Variants in GALNT18 observed in about 807,000 individuals in gnomAD.
GALNT18 encodes the protein GalNAc-transferase 18.
A neutral mutation model predicts 69.5 loss-of-function variants in GALNT18; 44 were observed. The ratio of observed to expected loss-of-function variants is 0.63; its 90% CI spans 0.50 to 0.81. The LOEUF is 0.81. Among genes scored for constraint, GALNT18 ranks in the 40% least tolerant of loss-of-function variants. The pLI is 0.00. For missense variants in GALNT18, 715 were observed against 810.0 expected, an observed-to-expected ratio of 0.88 and a Z score of 1.42; for synonymous variants, 364 against 318.2, an observed-to-expected ratio of 1.14 and a Z score of -1.53.
Position 11,582,687 on chromosome 11 carries a change from G to A in GALNT18, c.235+38672C>T, listed in dbSNP as rs146526914. Among the ~76,000 whole-genome samples, 654 of 152,338 alleles carry A rather than the reference G, an allele frequency of 4.3e-3. 1 individual carries two copies. The highest frequency in any genetic ancestry group is 7.7e-3 in the Non-Finnish European group (523 of 68,038). ...ATTGAGGGCTAAAAGCCTTTGTGATGTTGCTCCAGCATAACCCAGTGGAAA... is the reference window on the plus strand; with the variant it reads ...ATTGAGGGCTAAAAGCCTTTGTGATATTGCTCCAGCATAACCCAGTGGAAA... On this transcript the variant is annotated intron_variant, in intron 1 of 10. Transcript: ENST00000227756. The surrounding 1 kb of genome is among the most constrained non-coding windows in gnomAD (Gnocchi z 5.0).
rs1233563004 is a variant in GALNT18 at position 11,546,027 on chromosome 11, GAACATTGGCA to G, written c.235+75322_235+75331del. Among the ~76,000 whole-genome samples the G allele has an allele frequency of 1.3e-5, 2 of 152,128 alleles. No homozygotes were observed. The highest frequency in any genetic ancestry group is 4.8e-5 in the African/African-American group (2 of 41,432). ...CACCCTGGGGAGGTTCCCAGCTTTA[GAACATTGGCA>G]AACAAGCAGGATTAGGCCCCTCTTC... On this transcript the variant is annotated intron_variant, in intron 1 of 10. Coordinates refer to ENST00000227756, the MANE Select transcript of GALNT18 (RefSeq NM_198516.3). The surrounding 1 kb of genome is among the most constrained non-coding windows in gnomAD (Gnocchi z 5.8).
intron 1 of GALNT18, among the ~76,000 whole-genome samples, chr11:11,580,706 T>C (rs983251468): frequency 6.6e-6 from 1 of 152,222 alleles, no homozygotes; most frequent in African/African-American, 2.4e-5. Flanking sequence ...CCAGTGACCA[T>C]TGGCCCTGCC....
Position 11,382,277 on chromosome 11 carries a change from T to C in GALNT18, c.596-3013A>G, listed in dbSNP as rs1430830730. Among the ~76,000 whole-genome samples, 1 of 152,232 alleles carries C rather than the reference T, an allele frequency of 6.6e-6. No homozygotes were observed. The highest frequency in any genetic ancestry group is 1.9e-4 in the East Asian group (1 of 5,206). On this transcript the variant is annotated intron_variant, in intron 3 of 10. Coordinates refer to ENST00000227756, the MANE Select transcript of GALNT18 (RefSeq NM_198516.3). This position sits in a 1 kb window ranked among gnomAD's most constrained non-coding sequence, Gnocchi z 4.3. ...ACAAAATGCCTTGAAGTACCCTAGATGATACTGGCTCTGTCTTTGCAAAGT... is the reference window on the plus strand; with the variant it reads ...ACAAAATGCCTTGAAGTACCCTAGACGATACTGGCTCTGTCTTTGCAAAGT...
At chr11:11,609,959 TGGA>T (rs1157089622) in intron 1 of GALNT18, among the ~76,000 whole-genome samples, 16 of 151,812 alleles carry the variant, frequency 1.1e-4, no homozygotes, top group Non-Finnish European at 1.9e-4. Context: ...CCTGAGTGAG[TGGA>T]GGAGATGATC....
intron 1 of GALNT18, among the ~76,000 whole-genome samples, chr11:11,452,521 T>C (rs55890253): frequency 0.073 from 11,105 of 152,290 alleles, 551 homozygotes; most frequent in South Asian, 0.17. Context: ...CTCTAGAAGA[T>C]GCTGACGCCT....
intron 3 of GALNT18, among the ~76,000 whole-genome samples, chr11:11,429,421 T>C (rs1480053186): frequency 1.3e-5 from 2 of 152,242 alleles, no homozygotes; most frequent in Non-Finnish European, 2.9e-5. Flanking sequence ...ATGGCTTTAA[T>C]TACTCCACGC....
intron 3 of GALNT18, among the ~76,000 whole-genome samples, chr11:11,399,534 G>T (rs781020081): frequency 2.6e-5 from 4 of 152,092 alleles, no homozygotes; most frequent in Non-Finnish European, 5.9e-5. Context: ...TGCAGGTCAG[G>T]AACACATGTA....
intron 9 of GALNT18, among the ~76,000 whole-genome samples, chr11:11,301,937 T>C (rs1272851860): frequency 6.6e-6 from 1 of 151,910 alleles, no homozygotes; most frequent in Non-Finnish European, 1.5e-5. Flanking sequence ...AGAGCTGGAG[T>C]AACAGTCTCT....
intron 1 of GALNT18, among the ~76,000 whole-genome samples, chr11:11,599,048 GA>G (rs1045085166): frequency 2.0e-5 from 3 of 151,644 alleles, no homozygotes; most frequent in Admixed American, 2.0e-4. Flanking sequence ...ATATATGCTT[GA>G]AAAAAATGTG....
rs140825327 is a variant in GALNT18, at chr11:11,434,230, G to T, written c.429-1443C>A. Among the ~76,000 whole-genome samples, 5 of 152,090 alleles carry T rather than the reference G, an allele frequency of 3.3e-5. No homozygotes were observed. The East Asian group carries it at 7.7e-4, about 23-fold the overall frequency. ...CTATTTCCAGCTCTCCTTCTCTCTC[G>T]CCAGAGAGGAATGGGGGAAAGAAGG... On this transcript the variant is annotated intron_variant, in intron 2 of 10. Transcript: ENST00000227756.
chr11:11,616,921 T>G lies in GALNT18; in HGVS notation c.235+4438A>C, dbSNP rs1860067051. ...TTTGCAAAGGTTTTATAAACGGTAG[T>G]CAGTTAAAGAATAGCAATCAAATTA... On this transcript the variant is annotated intron_variant, in intron 1 of 10. Transcript: ENST00000227756. The surrounding 1 kb of genome is among the most constrained non-coding windows in gnomAD (Gnocchi z 4.4). Among the ~76,000 whole-genome samples, 1 of 152,222 alleles carries G rather than the reference T, an allele frequency of 6.6e-6. No individual in the cohort carries two copies. Among genetic ancestry groups the G allele is most frequent in the Non-Finnish European group, 1.5e-5 (1 of 68,044 alleles).
At chr11:11,291,838 G>T (rs1362495952) in intron 10 of GALNT18, among the ~76,000 whole-genome samples, 1 of 152,090 alleles carries the variant, frequency 6.6e-6, no homozygotes, top group African/African-American at 2.4e-5. Context: ...GTTTATTTAG[G>T]ACCTAAGAGT....
At chr11:11,609,847 G>A (rs1859852598) in intron 1 of GALNT18, among the ~76,000 whole-genome samples, 2 of 152,166 alleles carry the variant, frequency 1.3e-5, no homozygotes, top group African/African-American at 4.8e-5. Context: ...TGGAAGGGCT[G>A]GCCATGTCTG....
At chr11:11,445,171 A>C (rs1855621831) in intron 2 of GALNT18, among the ~76,000 whole-genome samples, 1 of 152,226 alleles carries the variant, frequency 6.6e-6, no homozygotes, top group Non-Finnish European at 1.5e-5. Context: ...GCCTCAAGGC[A>C]GTGTGAGGAC....
chr11:11,418,916 GC>G (rs1218568590), intron 3 of GALNT18, among the ~76,000 whole-genome samples: 1 of 152,162 alleles, frequency 6.6e-6, no homozygotes, highest in Non-Finnish European at 1.5e-5. Flanking sequence ...AGGGCTGCCT[GC>G]CCCAAACTGC....
rs933158947 is a variant in GALNT18 at position 11,619,946 on chromosome 11, A to G, written c.235+1413T>C. On this transcript the variant is annotated intron_variant, in intron 1 of 10. Coordinates refer to ENST00000227756, the MANE Select transcript of GALNT18 (RefSeq NM_198516.3). The surrounding 1 kb of genome is among the most constrained non-coding windows in gnomAD (Gnocchi z 4.9). Reference sequence around the variant, plus strand: ...TTGAAGTCATTAGTCAGGAAGCACTATGGATGTGGATGCCTCTCCTGCACT... The same window carrying G: ...TTGAAGTCATTAGTCAGGAAGCACTGTGGATGTGGATGCCTCTCCTGCACT... 3.3e-5 allele frequency among the ~76,000 whole-genome samples: 5 copies of G among 152,224 alleles called. No homozygotes were observed. The highest frequency in any genetic ancestry group is 2.6e-4 in the Admixed American group (4 of 15,294).
At position 11,454,826 on chromosome 11, in the gene GALNT18, C is replaced by T. The variant is rs781514170; in HGVS notation, c.236-5890G>A. ...GAGTCTCCTCAGTCTCCAAGGTGCT[C>T]ATTACAGAAATCCTCACCATCAAGC... On this transcript the variant is annotated intron_variant, in intron 1 of 10. Coordinates refer to ENST00000227756, the MANE Select transcript of GALNT18 (RefSeq NM_198516.3). This position sits in a 1 kb window ranked among gnomAD's most constrained non-coding sequence, Gnocchi z 4.2. 6.6e-6 allele frequency among the ~76,000 whole-genome samples: 1 copy of T among 152,180 alleles called. No individual in the cohort carries two copies. Among genetic ancestry groups the T allele is most frequent in the Non-Finnish European group, 1.5e-5 (1 of 68,028 alleles).
At chr11:11,316,119 C>T (rs1849748592) in intron 9 of GALNT18, among the ~76,000 whole-genome samples, 1 of 152,182 alleles carries the variant, frequency 6.6e-6, no homozygotes, top group African/African-American at 2.4e-5. Context: ...CGAGGCTCCC[C>T]TGAACATTAC....
intron 10 of GALNT18, among the ~76,000 whole-genome samples, chr11:11,282,220 A>G (rs1849095352): frequency 6.6e-6 from 1 of 152,144 alleles, no homozygotes; most frequent in African/African-American, 2.4e-5. Context: ...AACATTGCAA[A>G]GAAGCCTTCC....
Sources: allele counts gnomAD v4.1 joint callset (sites outside exome capture counted in the v4.1 genomes callset), GRCh38; gene constraint gnomAD v4.1.1; non-coding constraint Gnocchi (gnomAD v3.1); transcripts MANE v1.5; gene names NCBI Gene and HGNC (gene_info 2026-07-23, HGNC 2026-07-21).